Variants in CDK14 observed in about 807,000 individuals in gnomAD.
CDK14 encodes cyclin dependent kinase 14.
CDK14 carries 34 observed loss-of-function variants against 60.7 expected under a neutral mutation model. The ratio of observed to expected loss-of-function variants is 0.56; its 90% CI spans 0.43 to 0.75. The LOEUF is 0.75. CDK14 is among the 30% of genes least tolerant of loss of function. The pLI, the probability that CDK14 is intolerant of heterozygous loss-of-function variation, is 0.00. For synonymous variants in CDK14, 197 were observed against 203.7 expected, an observed-to-expected ratio of 0.97 and a Z score of 0.28; for missense variants, 482 against 564.1, an observed-to-expected ratio of 0.85 and a Z score of 1.47.
At chr7:90,704,491 T>C (rs1318771960) in intron 2 of CDK14, among the ~76,000 whole-genome samples, 3 of 152,178 alleles carry the variant, frequency 2.0e-5, no homozygotes, top group African/African-American at 7.2e-5. Flanking sequence ...TTATTAGTGT[T>C]CTGGATGTGT....
chr7:91,047,770 A>G (rs1797281322), intron 11 of CDK14, among the ~76,000 whole-genome samples: 1 of 152,154 alleles, frequency 6.6e-6, no homozygotes, highest in Non-Finnish European at 1.5e-5. Flanking sequence ...ACAGCACATA[A>G]GTGTTTCCTG....
At chr7:90,963,494 G>A (rs17163421) in intron 9 of CDK14, among the ~76,000 whole-genome samples, 13,912 of 151,814 alleles carry the variant, frequency 0.092, 818 homozygotes, top group East Asian at 0.18. Context: ...TGGTGCTTTC[G>A]TGTTGTAAGT....
At chr7:90,832,005 A>C (rs1180232076) in intron 5 of CDK14, among the ~76,000 whole-genome samples, 2 of 151,834 alleles carry the variant, frequency 1.3e-5, no homozygotes, top group African/African-American at 4.8e-5. Flanking sequence ...TCCCTTATCC[A>C]ATCAGGTCTC....
intron 5 of CDK14, among the ~76,000 whole-genome samples, chr7:90,831,674 A>G (rs1014559203): frequency 2.1e-5 from 3 of 143,788 alleles, no homozygotes; most frequent in African/African-American, 2.6e-5. Flanking sequence ...CTCTATTGTT[A>G]TATTGACACT....
chr7:90,690,289 T>G (rs914201186), intron 2 of CDK14, among the ~76,000 whole-genome samples: 2 of 152,178 alleles, frequency 1.3e-5, no homozygotes, highest in Admixed American at 6.5e-5. Context: ...GACACTTAAG[T>G]GTGTGGGTTC....
In CDK14 at chr7:91,140,860, G is replaced by A. The variant is rs17163618; in HGVS notation, c.*28+22652G>A. Among the ~76,000 whole-genome samples, 975 of 152,012 alleles carry A rather than the reference G, an allele frequency of 6.4e-3. 14 individuals carry two copies. The highest frequency in any genetic ancestry group is 0.022 in the African/African-American group (929 of 41,454). ...GTATAAATAAAAGACAGACGTATTC[G>A]AGATCTTTTATGATAGCCATTTTTT... On this transcript the variant is annotated intron_variant, in intron 14 of 14. Transcript: ENST00000380050.
At chr7:90,967,067 C>G (rs1261589683) in intron 9 of CDK14, among the ~76,000 whole-genome samples, 1 of 147,600 alleles carries the variant, frequency 6.8e-6, no homozygotes, top group Non-Finnish European at 1.5e-5. Flanking sequence ...TCACCTTGAA[C>G]GTCTTGATAT....
At chr7:91,112,747 G>T (rs1584078184) in intron 13 of CDK14, 66 bp downstream of exon 13, 2 of 1,533,290 alleles carry the variant, frequency 1.3e-6, no homozygotes, top group East Asian at 4.5e-5. Context: ...GCATCTGTAT[G>T]TAACGTGTAT....
chr7:91,129,190 T>G (rs895266756), intron 14 of CDK14, among the ~76,000 whole-genome samples: 1 of 152,180 alleles, frequency 6.6e-6, no homozygotes, highest in Non-Finnish European at 1.5e-5. Flanking sequence ...AAGATATTCT[T>G]TGCCATTTAC....
rs1000288892 is a variant in CDK14 at position 90,751,970 on chromosome 7, G to T, written c.464+4195G>T. 3.9e-5 allele frequency among the ~76,000 whole-genome samples: 6 copies of T among 152,150 alleles called. 1 individual carries two copies. Among genetic ancestry groups the T allele is most frequent in the Non-Finnish European group, 8.8e-5 (6 of 68,014 alleles). On this transcript the variant is annotated intron_variant, in intron 4 of 14. Coordinates refer to ENST00000380050, the MANE Select transcript of CDK14 (RefSeq NM_001287135.2). ...AATGATAAAGTGTTCAATTCAACAA[G>T]AAGACTTAACTATCCTAAATATATA...
intron 9 of CDK14, among the ~76,000 whole-genome samples, chr7:90,976,381 G>A (rs529702228): frequency 5.2e-4 from 79 of 151,948 alleles, no homozygotes; most frequent in African/African-American, 1.7e-3. Flanking sequence ...AAAGAGACAG[G>A]GTCCTTCTCT....
chr7:90,881,340 G>A (rs1791746472), intron 6 of CDK14, among the ~76,000 whole-genome samples: 1 of 152,070 alleles, frequency 6.6e-6, no homozygotes, highest in Non-Finnish European at 1.5e-5. Flanking sequence ...AAAGAAGAAA[G>A]GATATCAGAG....
At chr7:91,007,646 T>C (rs1796016958) in intron 10 of CDK14, among the ~76,000 whole-genome samples, 1 of 152,188 alleles carries the variant, frequency 6.6e-6, no homozygotes, top group African/African-American at 2.4e-5. Context: ...TTTTCCTTTT[T>C]CCCAGATGAA....
At chr7:91,050,389 A>G (rs1212569619) in intron 11 of CDK14, among the ~76,000 whole-genome samples, 2 of 152,102 alleles carry the variant, frequency 1.3e-5, no homozygotes, top group East Asian at 3.9e-4. Context: ...TTATCCCAGA[A>G]CTCAACATGG....
chr7:90,673,253 G>A (rs901361492), intron 2 of CDK14, among the ~76,000 whole-genome samples: 2 of 152,116 alleles, frequency 1.3e-5, no homozygotes, highest in East Asian at 1.9e-4. Context: ...CAGTAGTAGA[G>A]GAAACAAACA....
intron 9 of CDK14, among the ~76,000 whole-genome samples, chr7:90,964,020 G>A (rs1794682712): frequency 6.6e-6 from 1 of 152,128 alleles, no homozygotes; most frequent in South Asian, 2.1e-4. Context: ...GGCCGACAAA[G>A]GTTTTTAAAG....
At chr7:91,100,319 AC>A (rs1799115279) in intron 12 of CDK14, among the ~76,000 whole-genome samples, 1 of 152,220 alleles carries the variant, frequency 6.6e-6, no homozygotes, top group Admixed American at 6.5e-5. Context: ...GAAAACAGTC[AC>A]TGCCAGTAGG....
At chr7:90,941,646 A>T (rs1478002133) in intron 8 of CDK14, among the ~76,000 whole-genome samples, 2 of 151,378 alleles carry the variant, frequency 1.3e-5, no homozygotes, top group Non-Finnish European at 2.9e-5. Context: ...TAGACATGAC[A>T]TCTTGCTATG....
chr7:90,655,932 C>G (rs1194896689), intron 2 of CDK14, among the ~76,000 whole-genome samples: 1 of 152,172 alleles, frequency 6.6e-6, no homozygotes, highest in Admixed American at 6.5e-5. Context: ...CATCTGAAAA[C>G]CTAACTTCAG....
Sources: allele counts gnomAD v4.1 joint callset (sites outside exome capture counted in the v4.1 genomes callset), GRCh38; gene constraint gnomAD v4.1.1; transcripts MANE v1.5; gene names NCBI Gene and HGNC (gene_info 2026-07-23, HGNC 2026-07-21).